Variants in PIEZO1 observed in about 807,000 individuals in gnomAD.
PIEZO1 encodes piezo-type mechanosensitive ion channel component 1.
PIEZO1 carries 296 observed loss-of-function variants against 297.2 expected under a neutral mutation model. That is an observed-to-expected ratio of 1.00 (90% CI 0.91 to 1.10). PIEZO1 has a LOEUF of 1.10. Among genes scored for constraint, PIEZO1 ranks in the 50% least tolerant of loss-of-function variants. The probability of loss-of-function intolerance (pLI) is 0.00; values close to 1 mark genes in which losing one functional copy is unlikely to be tolerated. For synonymous variants in PIEZO1, 2,427 were observed against 1,507.5 expected (o/e 1.61, Z -14.13); for missense variants, 5,018 against 3,455.5 (o/e 1.45, Z -11.34).
At chr16:88,738,474 C>G in intron 6 of PIEZO1, 34 bp from the exon 7 acceptor site, 1 of 1,531,964 alleles carries the variant, frequency 6.5e-7, no homozygotes, top group Non-Finnish European at 8.7e-7. Context: ...TGGTACCTGG[C>G]CAGTGCCATG....
chr16:88,736,796 T>A, intron 10 of PIEZO1, 57 bp from the exon 11 acceptor site: 1 of 1,095,778 alleles, frequency 9.1e-7, no homozygotes, highest in Non-Finnish European at 1.3e-6. Flanking sequence ...CTCCCCACCC[T>A]GACTATGCCC....
rs1288391799 is a variant in PIEZO1, at chr16:88,739,074, C to T, written c.466-338G>A. 4.4e-5 allele frequency: 13 copies of T among 295,002 alleles called. No individual in the cohort carries two copies. The East Asian group carries it at 5.3e-4, about 12-fold the overall frequency. 18.3% of individuals were successfully genotyped at this position (295,002 alleles called of 1,614,324 possible). On this transcript the variant is annotated intron_variant, in intron 5 of 50. Coordinates refer to ENST00000301015, the MANE Select transcript of PIEZO1 (RefSeq NM_001142864.4). ...ACTGTCCTATACCACCTCATCTCCCCGAACCACGCACCCAGGGAGCAGCGG... is the reference window on the plus strand; with the variant it reads ...ACTGTCCTATACCACCTCATCTCCCTGAACCACGCACCCAGGGAGCAGCGG...
chr16:88,726,506 G>C (rs531537471), intron 26 of PIEZO1, 41 bp downstream of exon 26: 10 of 1,546,288 alleles, frequency 6.5e-6, no homozygotes, highest in East Asian at 4.9e-5. Flanking sequence ...GGAGCAGGGG[G>C]CTTCCCCACG....
chr16:88,726,365 A>G lies in PIEZO1; in HGVS notation c.3887T>C (p.Leu1296Pro), dbSNP rs1904431341. The change falls in exon 27 of 51, where the codon CTG (leucine) becomes CCG (proline). Residue 1296 changes from leucine (L) to proline (P), a missense_variant. Leu to Pro is a moderately conservative substitution (Grantham distance 98). Coordinates refer to ENST00000301015, the MANE Select transcript of PIEZO1 (RefSeq NM_001142864.4). ...GCTAAGGAAGACGCGGCGCTGCAGC[A>G]GCAGGAAGAAGAAGCAGACGCTGTC... ...IWDSVCFFFL[L>P]LQRRVFLSHY... 1 of 1,550,340 alleles carries G rather than the reference A, an allele frequency of 6.5e-7. No homozygotes were observed. The highest frequency in any genetic ancestry group is 8.7e-7 in the Non-Finnish European group (1 of 1,146,938).
At chr16:88,769,082 G>A (rs1371887709) in intron 1 of PIEZO1, among the ~76,000 whole-genome samples, 1 of 152,228 alleles carries the variant, frequency 6.6e-6, no homozygotes, top group Non-Finnish European at 1.5e-5. Context: ...GGGGCCAGAA[G>A]TATTTCCAGT....
chr16:88,746,705 C>T (rs377146140), intron 2 of PIEZO1, among the ~76,000 whole-genome samples: 1 of 152,240 alleles, frequency 6.6e-6, no homozygotes, highest in African/African-American at 2.4e-5. Context: ...GGGCCTCTGA[C>T]GAGGCTCAGG....
At chr16:88,763,684 G>T (rs1907030957) in intron 1 of PIEZO1, among the ~76,000 whole-genome samples, 1 of 152,198 alleles carries the variant, frequency 6.6e-6, no homozygotes, top group African/African-American at 2.4e-5. Flanking sequence ...GGCTGACCCA[G>T]GGAGTGGACA....
intron 22 of PIEZO1, among the ~76,000 whole-genome samples, chr16:88,730,695 G>A (rs988678784): frequency 3.3e-5 from 5 of 151,622 alleles, no homozygotes; most frequent in African/African-American, 1.2e-4. Flanking sequence ...GCCTCCCAAA[G>A]TGCTGGCATC....
chr16:88,779,098 G>T (rs1486218270), intron 1 of PIEZO1, among the ~76,000 whole-genome samples: 2 of 149,716 alleles, frequency 1.3e-5, no homozygotes, highest in South Asian at 2.1e-4. Flanking sequence ...CTGGAGTGCA[G>T]TGGCACGACT....
rs1364599344 is a variant in PIEZO1, at chr16:88,732,371, G to A, written c.2955C>T (p.Tyr985=). Residue 985 remains tyrosine (Y), a synonymous_variant, in exon 21 of 51, where the codon TAC becomes TAT. Transcript: ENST00000301015. ...ATTTGTAGAAGAAGAAGTTGATGAAGTACTTGAGGCAGCCGAGCAGATCCT... is the reference window on the plus strand; with the variant it reads ...ATTTGTAGAAGAAGAAGTTGATGAAATACTTGAGGCAGCCGAGCAGATCCT... The part of the protein sequence containing the change: ...LDQDLLGCLK[Y]FINFFFYKFG... 4.5e-6 allele frequency: 7 copies of A among 1,549,596 alleles called. No homozygotes were observed. In the African/African-American group the frequency reaches 5.5e-5, roughly 12 times the overall value.
chr16:88,764,621 C>T (rs569481278), intron 1 of PIEZO1, among the ~76,000 whole-genome samples: 6 of 151,890 alleles, frequency 4.0e-5, no homozygotes, highest in East Asian at 1.9e-4. Flanking sequence ...CATGGTGGCA[C>T]GTACCTGTAA....
chr16:88,723,142 G>T lies in PIEZO1; in HGVS notation c.4448C>A (p.Pro1483His). Residue 1483 changes from proline (P) to histidine (H), a missense_variant, in exon 33 of 51, where the codon CCC becomes CAC. Physicochemically the swap from Pro to His is moderately conservative, Grantham distance 77. Transcript: ENST00000301015. Reference protein sequence around the residue: ...QAGQLPTGGGPSQEVEPAEGP... With the variant: ...QAGQLPTGGGHSQEVEPAEGP... ...CTCTGCTGGCTCCACCTCCTGGCTG[G>T]GACCACCTCCTGGGCACAGGATGCT... 3 of 1,549,120 alleles carry T rather than the reference G, an allele frequency of 1.9e-6. No individual in the cohort carries two copies. Among genetic ancestry groups the T allele is most frequent in the East Asian group, 2.4e-5 (1 of 40,912 alleles).
chr16:88,733,400 G>C lies in PIEZO1; in HGVS notation c.2542C>G (p.Pro848Ala). 1.3e-6 allele frequency: 2 copies of C among 1,550,160 alleles called. No individual in the cohort carries two copies. Among genetic ancestry groups the C allele is most frequent in the African/African-American group, 1.4e-5 (1 of 73,168 alleles). Residue 848 changes from proline (P) to alanine (A), a missense_variant, in exon 19 of 51, where the codon CCA becomes GCA. Physicochemically the swap from Pro to Ala is conservative, Grantham distance 27 (BLOSUM62 -1). Transcript: ENST00000301015. ...VVLWAFALPY[P>A]RFRPMASCLS... ...CAGGAGGCCATGGGCCGGAAGCGTGGGTAGGGCAGGGCGAAGGCCCACAGC... is the reference window on the plus strand; with the variant it reads ...CAGGAGGCCATGGGCCGGAAGCGTGCGTAGGGCAGGGCGAAGGCCCACAGC...
At chr16:88,748,404 C>T (rs953388282) in intron 2 of PIEZO1, among the ~76,000 whole-genome samples, 26 of 17,402 alleles carry the variant, frequency 1.5e-3, no homozygotes, top group East Asian at 9.8e-3. Context: ...GTGGCCTCAC[C>T]GCCCTCTGTT....
Position 88,749,408 on chromosome 16 carries a change from C to G in PIEZO1, c.136G>C (p.Gly46Arg), listed in dbSNP as rs866838504. The G allele has an allele frequency of 1.9e-5, 29 of 1,519,708 alleles. No homozygotes were observed. Among genetic ancestry groups the G allele is most frequent in the Non-Finnish European group, 2.5e-5 (29 of 1,140,442 alleles). 94.1% of individuals were successfully genotyped at this position (1,519,708 alleles called of 1,614,324 possible). The change falls in exon 2 of 51, where the codon GGC (glycine) becomes CGC (arginine). Residue 46 changes from glycine (G) to arginine (R), a missense_variant. Gly to Arg is a moderately radical substitution (Grantham distance 125). Transcript: ENST00000301015. ...CCTTGGAGGCCGCATCGGGTGGGGC[C>G]GGGGAACCAGGGCAGCAGCAGCAGG... is the stretch of plus-strand genomic sequence containing the variant. ...LFLLLLPWFP[G>R]PTRCGLQGHT...
At chr16:88,747,263 C>G (rs2142857550) in intron 2 of PIEZO1, among the ~76,000 whole-genome samples, 1 of 150,720 alleles carries the variant, frequency 6.6e-6, no homozygotes, top group African/African-American at 2.4e-5. Context: ...CACGGTAGCT[C>G]ATGCCTGTAG....
intron 1 of PIEZO1, among the ~76,000 whole-genome samples, chr16:88,769,502 C>G (rs941093247): frequency 6.6e-6 from 1 of 152,246 alleles, no homozygotes; most frequent in Non-Finnish European, 1.5e-5. Flanking sequence ...GAAGACAGAC[C>G]TGCGGAACGC....
At chr16:88,739,063 C>G (rs1014557238) in intron 5 of PIEZO1, 4 of 336,308 alleles carry the variant, frequency 1.2e-5, no homozygotes, top group Non-Finnish European at 1.7e-5. Flanking sequence ...TCCTATACCA[C>G]CTCATCTCCC....
At chr16:88,727,265 C>A in intron 23 of PIEZO1, 73 bp from the exon 24 acceptor site, 1 of 1,432,702 alleles carries the variant, frequency 7.0e-7, no homozygotes, top group Non-Finnish European at 9.2e-7. Context: ...TAAATCCCAC[C>A]TCCCACCCCA....
Sources: allele counts gnomAD v4.1 joint callset (sites outside exome capture counted in the v4.1 genomes callset), GRCh38; gene constraint gnomAD v4.1.1; transcripts MANE v1.5; gene names NCBI Gene and HGNC (gene_info 2026-07-23, HGNC 2026-07-21).